CEP85: variants seen among roughly 807,000 people sequenced by gnomAD.
CEP85 encodes the protein centrosomal protein of 85 kDa.
In CEP85, 58 loss-of-function variants were observed where a neutral mutation model predicts 93.7. That is an observed-to-expected ratio of 0.62 (90% CI 0.50 to 0.77). The LOEUF (loss-of-function observed/expected upper bound fraction) is 0.77. Among genes scored for constraint, CEP85 ranks in the 30% least tolerant of loss-of-function variants. The pLI is 0.00. For synonymous variants in CEP85, 314 were observed against 338.6 expected (o/e 0.93, Z 0.80); for missense variants, 868 against 922.0 (o/e 0.94, Z 0.76).
At chr1:26,262,990 G>C (rs1297987603) in intron 7 of CEP85, 1 of 153,372 alleles carries the variant, frequency 6.5e-6, no homozygotes, top group Non-Finnish European at 1.5e-5. Flanking sequence ...ACCCACCTTG[G>C]CCTCCCAAAG....
At chr1:26,263,186 T>C (rs1055939415) in intron 7 of CEP85, 10 of 273,026 alleles carry the variant, frequency 3.7e-5, no homozygotes, top group African/African-American at 1.8e-4. Flanking sequence ...CTTTCAACAG[T>C]TGTGGTTGGT....
rs2089674238 is a variant in CEP85, at chr1:26,255,059, G to A, written c.209-112G>A. Reference sequence around the variant, plus strand: ...CTTTCTGCCTGATACTTTTGATGATGGTGCTCTCTCTGCTTGGTCTCAGGA... The same window carrying A: ...CTTTCTGCCTGATACTTTTGATGATAGTGCTCTCTCTGCTTGGTCTCAGGA... On this transcript the variant is annotated intron_variant, in intron 3 of 13. Transcript: ENST00000451429. 2.5e-6 allele frequency: 2 copies of A among 815,398 alleles called. 1 individual carries two copies. The highest frequency in any genetic ancestry group is 4.0e-6 in the Non-Finnish European group (2 of 501,306). 50.5% of individuals were successfully genotyped at this position (815,398 alleles called of 1,614,324 possible). A position where few individuals can be genotyped will look rare whatever the true frequency, so the allele number is the denominator to read the frequency against.
chr1:26,243,825 G>A (rs6598949), intron 2 of CEP85, among the ~76,000 whole-genome samples: 1 of 151,600 alleles, frequency 6.6e-6, no homozygotes, highest in Admixed American at 6.6e-5. Flanking sequence ...TGGTGAAACC[G>A]CGTCTCTACT....
At chr1:26,241,761 C>G (rs900956569) in intron 2 of CEP85, among the ~76,000 whole-genome samples, 13 of 151,192 alleles carry the variant, frequency 8.6e-5, no homozygotes, top group Admixed American at 6.6e-4. Flanking sequence ...AAAATTTCAG[C>G]TTTTCTTTTT....
chr1:26,259,691 T>A lies in CEP85; in HGVS notation c.1230T>A (p.Ile410=), dbSNP rs143905434. ...CAGAAGCCTTGAGCAGAGAAAAGAT[T>A]GACCTTGAAAAGAAACTCTCTGCTT... ...QKTEALSREK[I]DLEKKLSASE... Residue 410 remains isoleucine, a synonymous_variant, in exon 7 of 14, where the codon ATT becomes ATA. Coordinates refer to ENST00000451429, the MANE Select transcript of CEP85 (RefSeq NM_001319944.2). 189 of 1,614,010 alleles carry A rather than the reference T, an allele frequency of 1.2e-4. No homozygotes were observed. Among genetic ancestry groups the A allele is most frequent in the Non-Finnish European group, 1.5e-4 (182 of 1,179,994 alleles).
intron 7 of CEP85, among the ~76,000 whole-genome samples, chr1:26,260,850 G>A (rs1403674438): frequency 6.6e-6 from 1 of 151,554 alleles, no homozygotes; most frequent in Non-Finnish European, 1.5e-5. Context: ...GAGTGCAGTG[G>A]TGCAATCTCA....
chr1:26,241,228 A>G (rs1569960187), intron 2 of CEP85, among the ~76,000 whole-genome samples: 1 of 146,120 alleles, frequency 6.8e-6, no homozygotes, highest in East Asian at 1.9e-4. Flanking sequence ...AATCAATTCA[A>G]GATTCATTCA....
chr1:26,276,453 C>G (rs2090053289), intron 12 of CEP85, 82 bp from the exon 13 acceptor site: 1 of 1,135,284 alleles, frequency 8.8e-7, no homozygotes, highest in African/African-American at 1.5e-5. Flanking sequence ...TCACCCATCC[C>G]TTCCACACCC....
chr1:26,242,329 A>G (rs1363659354), intron 2 of CEP85, among the ~76,000 whole-genome samples: 1 of 152,070 alleles, frequency 6.6e-6, no homozygotes, highest in African/African-American at 2.4e-5. Flanking sequence ...AGCTGTGTAG[A>G]CTCACCAGAA....
chr1:26,277,519 T>C lies in CEP85; in HGVS notation c.*226T>C. 2.2e-6 allele frequency: 1 copy of C among 459,092 alleles called. No individual in the cohort carries two copies. Among genetic ancestry groups the C allele is most frequent in the South Asian group, 3.0e-5 (1 of 33,864 alleles). 28.4% of individuals were successfully genotyped at this position (459,092 alleles called of 1,614,324 possible). Reference sequence around the variant, plus strand: ...TTCACTCTAGACGGTGAGTTACTAATTAACTTTTGGCAGGTACAACAGATA... The same window carrying C: ...TTCACTCTAGACGGTGAGTTACTAACTAACTTTTGGCAGGTACAACAGATA... On this transcript the variant is annotated 3_prime_UTR_variant, in exon 14 of 14. Transcript: ENST00000451429.
chr1:26,277,051 C>A, intron 13 of CEP85, 85 bp from the exon 14 acceptor site: 1 of 1,377,458 alleles, frequency 7.3e-7, no homozygotes, highest in Non-Finnish European at 1.0e-6. Flanking sequence ...ACTGTGGGTT[C>A]AAGATACTGC....
At chr1:26,242,671 G>A (rs572498868) in intron 2 of CEP85, among the ~76,000 whole-genome samples, 110 of 152,232 alleles carry the variant, frequency 7.2e-4, no homozygotes, top group African/African-American at 2.6e-3. Flanking sequence ...TACTTTGGGC[G>A]TAATCATTTA....
rs141238912 is a variant in CEP85 at position 26,277,217 on chromosome 1, G to A, written c.2210G>A (p.Arg737His). The A allele has an allele frequency of 2.2e-5, 36 of 1,614,108 alleles. No individual in the cohort carries two copies. Among genetic ancestry groups the A allele is most frequent in the African/African-American group, 9.3e-5 (7 of 75,064 alleles). The change falls in exon 14 of 14, where the codon CGT becomes CAT. Residue 737 changes from arginine (R) to histidine (H), a missense_variant. Coordinates refer to ENST00000451429, the MANE Select transcript of CEP85 (RefSeq NM_001319944.2). Reference protein sequence around the residue: ...RKLEEVQQLRRDIEDLRTTMS... With the variant: ...RKLEEVQQLRHDIEDLRTTMS... ...CTAGAAGAGGTTCAACAGCTGCGTC[G>A]TGACATTGAGGACTTAAGGACCACC... is the stretch of plus-strand genomic sequence containing the variant.
At chr1:26,263,216 A>G (rs1570021810) in intron 7 of CEP85, 1 of 292,722 alleles carries the variant, frequency 3.4e-6, no homozygotes, top group East Asian at 9.8e-5. Context: ...TTCACCAAGA[A>G]ATACCCACCT....
At chr1:26,262,696 C>T (rs1000314227) in intron 7 of CEP85, among the ~76,000 whole-genome samples, 7 of 152,140 alleles carry the variant, frequency 4.6e-5, no homozygotes, top group African/African-American at 1.2e-4. Context: ...AAAAATCAAA[C>T]GGCACCTGCA....
At chr1:26,271,168 AT>A in intron 10 of CEP85, 61 bp downstream of exon 10, 1 of 1,017,724 alleles carries the variant, frequency 9.8e-7, no homozygotes, top group Non-Finnish European at 1.6e-6. Context: ...AAGATTGTGT[AT>A]TAGGAGGGAT....
rs1168071272 is a variant in CEP85, at chr1:26,271,147, G to C, written c.1743+40G>C. The stretch of plus-strand genomic sequence containing the variant: ...CCAGGCTGTAACGGAGGGTAGGCTG[G>C]GAGGAAAGAGAAGATTGTGTATTAG... On this transcript the variant is annotated intron_variant, in intron 10 of 13. Coordinates refer to ENST00000451429, the MANE Select transcript of CEP85 (RefSeq NM_001319944.2). The C allele has an allele frequency of 2.4e-6, 3 of 1,260,304 alleles. No homozygotes were observed. In the African/African-American group the frequency reaches 4.4e-5, roughly 19 times the overall value. The allele number at this position is 1,260,304 out of a possible 1,614,324, so 78.1% of individuals were successfully genotyped here.
In CEP85 at chr1:26,277,650, C is replaced by T. The variant is rs1570058920; in HGVS notation, c.*357C>T. Reference sequence around the variant, plus strand: ...TGGATCCATGTTCATTCCCACTTCACACCTTGGTCCTGCTGATTAGAGAGC... The same window carrying T: ...TGGATCCATGTTCATTCCCACTTCATACCTTGGTCCTGCTGATTAGAGAGC... On this transcript the variant is annotated 3_prime_UTR_variant, in exon 14 of 14. Coordinates refer to ENST00000451429, the MANE Select transcript of CEP85 (RefSeq NM_001319944.2). The T allele has an allele frequency of 5.6e-6, 1 of 179,208 alleles. No homozygotes were observed. Among genetic ancestry groups the T allele is most frequent in the African/African-American group, 2.3e-5 (1 of 42,596 alleles). 11.1% of individuals were successfully genotyped at this position (179,208 alleles called of 1,614,324 possible).
In CEP85 at chr1:26,241,242, GA is replaced by G. The variant is rs201103362; in HGVS notation, c.55+1406del. Among the ~76,000 whole-genome samples the G allele has an allele frequency of 5.9e-4, 19 of 32,048 alleles. 1 individual carries two copies. The highest frequency in any genetic ancestry group is 2.2e-3 in the African/African-American group (18 of 8,008). 21.0% of individuals were successfully genotyped at this position (32,048 alleles called of 152,430 possible). On this transcript the variant is annotated intron_variant, in intron 2 of 13. Coordinates refer to ENST00000451429, the MANE Select transcript of CEP85 (RefSeq NM_001319944.2). Reference sequence around the variant, plus strand: ...GAATCAATTCAAGATTCATTCAGCAGAATTTTTTTTTTTTTTTTGAAATGGA... The same window carrying G: ...GAATCAATTCAAGATTCATTCAGCAGATTTTTTTTTTTTTTTTGAAATGGA...
Sources: gnomAD v4.1 joint callset for allele counts (sites outside exome capture counted in the v4.1 genomes callset) on GRCh38, gnomAD v4.1.1 for gene constraint, MANE v1.5 for transcripts, NCBI Gene and HGNC (gene_info 2026-07-23, HGNC 2026-07-21) for gene names.